Variants in NOVA1 observed in about 807,000 individuals in gnomAD.
NOVA1 encodes the protein NOVA alternative splicing regulator 1.
In NOVA1, 7 loss-of-function variants were observed where a neutral mutation model predicts 38.0. The ratio of observed to expected loss-of-function variants is 0.18; its 90% CI spans 0.10 to 0.35. The LOEUF (loss-of-function observed/expected upper bound fraction) is 0.35. Ranked by LOEUF, NOVA1 falls within the 10% of genes least tolerant of loss-of-function variation. NOVA1 has a pLI of 1.00. For missense variants in NOVA1, 460 were observed against 616.0 expected, an observed-to-expected ratio of 0.75 and a Z score of 2.68; for synonymous variants, 270 against 232.5, an observed-to-expected ratio of 1.16 and a Z score of -1.47.
intron 2 of NOVA1, among the ~76,000 whole-genome samples, chr14:26,521,389 G>T (rs912351257): frequency 6.6e-6 from 1 of 151,974 alleles, no homozygotes; most frequent in African/African-American, 2.4e-5. Context: ...ATTTTAGATC[G>T]TTTAATTGCT....
At chr14:26,459,704 A>G (rs1259389210) in intron 4 of NOVA1, among the ~76,000 whole-genome samples, 1 of 152,118 alleles carries the variant, frequency 6.6e-6, no homozygotes, top group Admixed American at 6.6e-5. Flanking sequence ...TTAATCTAGG[A>G]ATAAAGAACT....
rs534007958 is a variant in NOVA1 at position 26,526,559 on chromosome 14, G to A, written c.281-46416C>T. 5.1e-5 allele frequency among the ~76,000 whole-genome samples: 7 copies of A among 138,214 alleles called. 1 individual carries two copies. The East Asian group carries it at 1.5e-3, about 30-fold the overall frequency. 90.7% of individuals were successfully genotyped at this position (138,214 alleles called of 152,430 possible). A position where few individuals can be genotyped will look rare whatever the true frequency, so the allele number is the denominator to read the frequency against. On this transcript the variant is annotated intron_variant, in intron 2 of 4. Transcript: ENST00000539517. ...GGAGATTTTTTTAAAAGACAGGTTTGCTAAATTTTAATGTTAGAAAATAAA... is the reference window on the plus strand; with the variant it reads ...GGAGATTTTTTTAAAAGACAGGTTTACTAAATTTTAATGTTAGAAAATAAA...
intron 2 of NOVA1, among the ~76,000 whole-genome samples, chr14:26,533,125 G>A (rs1344114894): frequency 1.3e-5 from 2 of 152,114 alleles, no homozygotes; most frequent in Non-Finnish European, 2.9e-5. Flanking sequence ...CTGAAATAAA[G>A]ACAAGGAAAA....
chr14:26,486,696 C>CAAAAAAAAAAAA (rs59078775), intron 2 of NOVA1, among the ~76,000 whole-genome samples: 8 of 23,102 alleles, frequency 3.5e-4, no homozygotes, highest in East Asian at 1.9e-3. Flanking sequence ...GTGACAGACT[C>CAAAAAAAAAAAA]AAAAAAAAAA....
At chr14:26,596,671 G>T in intron 1 of NOVA1, 3 of 1,289,038 alleles carry the variant, frequency 2.3e-6, no homozygotes, top group Non-Finnish European at 2.0e-6. Context: ...GGAAGCGCAG[G>T]ATGTTAACTA....
intron 4 of NOVA1, among the ~76,000 whole-genome samples, chr14:26,465,463 A>C (rs1281420621): frequency 6.6e-6 from 1 of 152,098 alleles, no homozygotes; most frequent in Non-Finnish European, 1.5e-5. Flanking sequence ...GAGCCACTGC[A>C]CCCGGCCCTA....
chr14:26,564,590 C>T (rs992419029), intron 2 of NOVA1, among the ~76,000 whole-genome samples: 2 of 152,134 alleles, frequency 1.3e-5, no homozygotes, highest in African/African-American at 2.4e-5. Context: ...GTTACTGCTC[C>T]TCGCGATAGA....
intron 2 of NOVA1, among the ~76,000 whole-genome samples, chr14:26,531,982 A>C (rs1311788493): frequency 6.6e-6 from 1 of 152,206 alleles, no homozygotes; most frequent in Non-Finnish European, 1.5e-5. Flanking sequence ...AACAAAAATT[A>C]AAATCACAAT....
At chr14:26,580,464 G>A (rs1331226623) in intron 2 of NOVA1, among the ~76,000 whole-genome samples, 2 of 151,672 alleles carry the variant, frequency 1.3e-5, no homozygotes, top group Admixed American at 6.6e-5. Flanking sequence ...CCACTATATA[G>A]GCAAAAACAT....
intron 1 of NOVA1, chr14:26,596,951 C>G (rs557744700): frequency 7.5e-6 from 9 of 1,207,276 alleles, no homozygotes; most frequent in East Asian, 5.0e-5. Flanking sequence ...TCACCTCACT[C>G]CGGGGTCATC....
At chr14:26,500,277 A>T (rs111746836) in intron 2 of NOVA1, among the ~76,000 whole-genome samples, 176 of 152,000 alleles carry the variant, frequency 1.2e-3, no homozygotes, top group African/African-American at 4.0e-3. Context: ...ACATGTGCAT[A>T]TGTGTCAAAT....
At chr14:26,489,166 C>G (rs1886142115) in intron 2 of NOVA1, among the ~76,000 whole-genome samples, 1 of 151,804 alleles carries the variant, frequency 6.6e-6, no homozygotes. Flanking sequence ...AACTTTGAGA[C>G]CTAATATAGA....
chr14:26,501,659 G>A (rs1003202269), intron 2 of NOVA1, among the ~76,000 whole-genome samples: 4 of 151,814 alleles, frequency 2.6e-5, no homozygotes, highest in Non-Finnish European at 5.9e-5. Flanking sequence ...TATTGGTAAG[G>A]AATCAAGGTA....
At chr14:26,486,202 ATGTC>A (rs1387783786) in intron 2 of NOVA1, among the ~76,000 whole-genome samples, 16 of 152,102 alleles carry the variant, frequency 1.1e-4, no homozygotes, top group Non-Finnish European at 1.5e-4. Context: ...ATTTGGAGGT[ATGTC>A]TGTCTGTTTA....
At chr14:26,563,548 C>T (rs1891954813) in intron 2 of NOVA1, among the ~76,000 whole-genome samples, 2 of 150,608 alleles carry the variant, frequency 1.3e-5, no homozygotes, top group South Asian at 2.1e-4. Flanking sequence ...ATCAGTGATA[C>T]AGAATAGTAA....
At chr14:26,456,619 T>C (rs529840319) in intron 4 of NOVA1, among the ~76,000 whole-genome samples, 2 of 152,054 alleles carry the variant, frequency 1.3e-5, no homozygotes, top group South Asian at 4.1e-4. Flanking sequence ...TTTTTCTTTT[T>C]TAAAACATTG....
At chr14:26,596,665 GCGCAGGATGTTAACTAACAAGTCAC>G in intron 1 of NOVA1, 1 of 1,289,082 alleles carries the variant, frequency 7.8e-7, no homozygotes. Flanking sequence ...TTCCAAGGAA[GCGCAGGATGTTAACTAACAAGTCAC>G]CGTTCCAGAC....
At chr14:26,562,028 G>A (rs1240673016) in intron 2 of NOVA1, among the ~76,000 whole-genome samples, 2 of 152,076 alleles carry the variant, frequency 1.3e-5, no homozygotes, top group Non-Finnish European at 2.9e-5. Flanking sequence ...TAATTTCCAT[G>A]TATTTGTGTA....
rs138926966 is a variant in NOVA1 at position 26,527,290 on chromosome 14, G to A, written c.281-47147C>T. Among the ~76,000 whole-genome samples, 35 of 152,212 alleles carry A rather than the reference G, an allele frequency of 2.3e-4. No homozygotes were observed. In the East Asian group the frequency reaches 5.2e-3, roughly 23 times the overall value. On this transcript the variant is annotated intron_variant, in intron 2 of 4. Coordinates refer to ENST00000539517, the MANE Select transcript of NOVA1 (RefSeq NM_002515.3). ...CGTTCCAGTTTCTGTGGAGATGAGCGTTATAGTTGCAGGCTGTACAAGTCT... is the reference window on the plus strand; with the variant it reads ...CGTTCCAGTTTCTGTGGAGATGAGCATTATAGTTGCAGGCTGTACAAGTCT...
Sources: gnomAD v4.1 joint callset for allele counts (sites outside exome capture counted in the v4.1 genomes callset) on GRCh38, gnomAD v4.1.1 for gene constraint, MANE v1.5 for transcripts, NCBI Gene and HGNC (gene_info 2026-07-23, HGNC 2026-07-21) for gene names.